The following LINGO2 variants were observed in gnomAD, a reference collection of about 807,000 sequenced individuals.
LINGO2 encodes leucine-rich repeat and immunoglobulin-like domain-containing nogo receptor-interacting protein 2.
In LINGO2, 14 loss-of-function variants were observed where a neutral mutation model predicts 30.6. The ratio of observed to expected loss-of-function variants is 0.46; its 90% CI spans 0.30 to 0.72. LINGO2 has a LOEUF of 0.72. Ranked by LOEUF, LINGO2 falls within the 30% of genes least tolerant of loss-of-function variation. The pLI is 0.07. For synonymous variants in LINGO2, 317 were observed against 288.5 expected (o/e 1.10, Z -1.00); for missense variants, 729 against 751.7 (o/e 0.97, Z 0.35).
At chr9:28,920,061 C>G in the LINGO2 span, among the ~76,000 whole-genome samples, 1 of 152,092 alleles carries the variant, frequency 6.6e-6, no homozygotes, top group Admixed American at 6.6e-5. Flanking sequence ...TCAATTACTG[C>G]TAATCATCAC....
chr9:28,512,591 G>GATAGA (rs1820439557), intron 1 of LINGO2, among the ~76,000 whole-genome samples: 1 of 15,830 alleles, frequency 6.3e-5, no homozygotes, highest in East Asian at 3.5e-3. Context: ...ATATATATGT[G>GATAGA]TGTATATATA....
At chr9:28,961,783 A>G in the LINGO2 span, among the ~76,000 whole-genome samples, 6 of 152,160 alleles carry the variant, frequency 3.9e-5, no homozygotes, top group East Asian at 5.8e-4. Context: ...TTGCTTTTCT[A>G]TATAGTGTTC....
At chr9:28,335,265 T>A (rs372971231) in intron 3 of LINGO2, among the ~76,000 whole-genome samples, 33 of 152,266 alleles carry the variant, frequency 2.2e-4, no homozygotes, top group African/African-American at 7.7e-4. Flanking sequence ...TTACATTCCA[T>A]GCATATTTGT....
intron 4 of LINGO2, among the ~76,000 whole-genome samples, chr9:28,102,436 A>T (rs560591666): frequency 6.6e-6 from 1 of 152,290 alleles, no homozygotes; most frequent in African/African-American, 2.4e-5. Flanking sequence ...TTTATTTTTT[A>T]AAACTCAAAA....
At chr9:28,058,770 CTCAT>C in intron 4 of LINGO2, among the ~76,000 whole-genome samples, 1 of 152,206 alleles carries the variant, frequency 6.6e-6, no homozygotes, top group Middle Eastern at 3.4e-3. Context: ...CTTAAGTCCA[CTCAT>C]AATAAGTTAG....
the LINGO2 span, among the ~76,000 whole-genome samples, chr9:28,896,328 A>G: frequency 6.6e-5 from 10 of 152,244 alleles, no homozygotes; most frequent in African/African-American, 2.4e-4. Flanking sequence ...ATTTGTACCC[A>G]TTTGGTACAT....
intron 4 of LINGO2, among the ~76,000 whole-genome samples, chr9:28,073,226 T>A (rs1018078666): frequency 5.9e-5 from 9 of 152,014 alleles, no homozygotes; most frequent in Non-Finnish European, 1.0e-4. Context: ...CTCAAACTTA[T>A]CATTAGTTAA....
the LINGO2 span, among the ~76,000 whole-genome samples, chr9:28,861,065 A>C: frequency 1.1e-5 from 1 of 93,250 alleles, no homozygotes; most frequent in Non-Finnish European, 2.0e-5. Context: ...AATATGTATT[A>C]TTAATATATA....
intron 2 of LINGO2, among the ~76,000 whole-genome samples, chr9:28,465,584 A>T (rs1825268377): frequency 6.6e-6 from 1 of 152,058 alleles, no homozygotes; most frequent in Non-Finnish European, 1.5e-5. Flanking sequence ...GCCCTCTTTT[A>T]CCCAATATTT....
intron 4 of LINGO2, among the ~76,000 whole-genome samples, chr9:28,019,320 T>TG (rs1563917410): frequency 0.031 from 3 of 98 alleles, no homozygotes; most frequent in Non-Finnish European, 0.079. Flanking sequence ...GGAATATATG[T>TG]TTTTTTTTTT....
At chr9:28,223,577 A>G (rs1287319285) in intron 4 of LINGO2, among the ~76,000 whole-genome samples, 2 of 152,234 alleles carry the variant, frequency 1.3e-5, no homozygotes, top group African/African-American at 4.8e-5. Context: ...TTAGATGCTT[A>G]TCAGGCTGAT....
the LINGO2 span, among the ~76,000 whole-genome samples, chr9:28,843,226 TAAGA>T: frequency 6.6e-6 from 1 of 151,670 alleles, no homozygotes; most frequent in Non-Finnish European, 1.5e-5. Flanking sequence ...GGTTAAACTA[TAAGA>T]AATAGTCCTT....
intron 2 of LINGO2, among the ~76,000 whole-genome samples, chr9:28,392,714 G>A (rs1221404414): frequency 6.6e-6 from 1 of 152,104 alleles, no homozygotes; most frequent in African/African-American, 2.4e-5. Flanking sequence ...GTCCCATGTT[G>A]AGATTATCTA....
At chr9:28,410,075 C>CA (rs951290807) in intron 2 of LINGO2, among the ~76,000 whole-genome samples, 1 of 109,588 alleles carries the variant, frequency 9.1e-6, no homozygotes. Context: ...AAAGGAAGAA[C>CA]AAAAAAAGAA....
intron 4 of LINGO2, among the ~76,000 whole-genome samples, chr9:28,238,295 T>C (rs980334867): frequency 4.6e-5 from 7 of 152,092 alleles, no homozygotes; most frequent in African/African-American, 1.7e-4. Flanking sequence ...ATAGACCAAA[T>C]GAACCTAATA....
At chr9:28,722,747 G>A in the LINGO2 span, among the ~76,000 whole-genome samples, 2 of 152,238 alleles carry the variant, frequency 1.3e-5, no homozygotes, top group Non-Finnish European at 2.9e-5. Flanking sequence ...TTTGCTGTTG[G>A]ATGCTATCTT....
At chr9:28,718,572 T>C in the LINGO2 span, among the ~76,000 whole-genome samples, 1 of 152,034 alleles carries the variant, frequency 6.6e-6, no homozygotes, top group Admixed American at 6.6e-5. Context: ...AAATCCCTGC[T>C]CTGACTAAAA....
intron 4 of LINGO2, among the ~76,000 whole-genome samples, chr9:28,035,627 A>C (rs1213338158): frequency 6.6e-6 from 1 of 152,214 alleles, no homozygotes; most frequent in East Asian, 1.9e-4. Context: ...AAAACATTTA[A>C]GTATCTTGTT....
the LINGO2 span, among the ~76,000 whole-genome samples, chr9:29,164,877 TCTATTAA>T: frequency 2.6e-5 from 4 of 152,170 alleles, no homozygotes; most frequent in African/African-American, 9.6e-5. Flanking sequence ...TATTCACTGA[TCTATTAA>T]CTATATAATA....
Sources: gnomAD v4.1 joint callset for allele counts (sites outside exome capture counted in the v4.1 genomes callset) on GRCh38, gnomAD v4.1.1 for gene constraint, MANE v1.5 for transcripts, NCBI Gene and HGNC (gene_info 2026-07-23, HGNC 2026-07-21) for gene names.